MVP: variants seen among roughly 807,000 people sequenced by gnomAD.
MVP encodes lung resistance-related protein.
A neutral mutation model predicts 83.5 loss-of-function variants in MVP; 62 were observed. The observed-to-expected ratio is 0.74, with a 90% CI of 0.61 to 0.92. MVP has a LOEUF of 0.92. MVP is among the 40% of genes least tolerant of loss of function. MVP has a pLI of 0.00. For synonymous variants in MVP, 505 were observed against 504.1 expected (o/e 1.00, Z -0.02); for missense variants, 1,000 against 1,203.4 (o/e 0.83, Z 2.50).
intron 10 of MVP, among the ~76,000 whole-genome samples, chr16:29,842,898 C>T (rs748515949): frequency 1.5e-4 from 23 of 152,310 alleles, no homozygotes; most frequent in Admixed American, 1.4e-3. Context: ...GCGTAACTGT[C>T]GGGCTGTTAA....
rs773587439 is a variant in MVP at position 29,836,755 on chromosome 16, C to T, written c.706C>T (p.Arg236Trp). Reference sequence around the variant, plus strand: ...GCACCTCCGGGCTCGGCGGAACTTCCGGGACTTCAGGGGAGTGTCCCGCCG... The same window carrying T: ...GCACCTCCGGGCTCGGCGGAACTTCTGGGACTTCAGGGGAGTGTCCCGCCG... ...ALHLRARRNF[R>W]DFRGVSRRTG... The change falls in exon 7 of 15, where the codon CGG (arginine) becomes TGG (tryptophan). Residue 236 changes from arginine to tryptophan, a missense_variant. Physicochemically the swap from Arg to Trp is moderately radical, Grantham distance 101 (BLOSUM62 -3). Transcript: ENST00000357402. The T allele has an allele frequency of 3.0e-5, 48 of 1,603,834 alleles. No homozygotes were observed. The highest frequency in any genetic ancestry group is 1.5e-4 in the South Asian group (14 of 90,450).
chr16:29,829,588 T>TG (rs1307945957), intron 1 of MVP: 1 of 148,790 alleles, frequency 6.7e-6, no homozygotes, highest in East Asian at 2.0e-4. Context: ...GGGGCAGGGG[T>TG]GGGGCTTAGG....
chr16:29,840,670 G>A (rs912918311), intron 8 of MVP, among the ~76,000 whole-genome samples: 1 of 152,152 alleles, frequency 6.6e-6, no homozygotes, highest in Non-Finnish European at 1.5e-5. Context: ...AACCAGGTGC[G>A]GTAGCTCACA....
intron 6 of MVP, among the ~76,000 whole-genome samples, chr16:29,836,104 A>G (rs954394295): frequency 2.0e-5 from 3 of 151,846 alleles, no homozygotes. Context: ...CATCGCTACA[A>G]AAAATTTAAA....
intron 7 of MVP, 64 bp from the exon 8 acceptor site, chr16:29,840,114 A>C: frequency 2.0e-6 from 3 of 1,492,010 alleles, no homozygotes; most frequent in Non-Finnish European, 2.7e-6. Flanking sequence ...AGGACTGGGG[A>C]GGTACCATTG....
chr16:29,847,085 G>A, intron 13 of MVP, 112 bp from the exon 14 acceptor site: 1 of 1,197,592 alleles, frequency 8.4e-7, no homozygotes, highest in South Asian at 1.4e-5. Flanking sequence ...AGCTACCCAG[G>A]AGGCTGAGGC....
intron 7 of MVP, among the ~76,000 whole-genome samples, chr16:29,838,578 AG>A (rs2067507701): frequency 6.6e-6 from 1 of 152,218 alleles, no homozygotes; most frequent in South Asian, 2.1e-4. Flanking sequence ...CTATAATCCC[AG>A]TGCTTTGGGA....
intron 2 of MVP, 34 bp downstream of exon 2, chr16:29,830,708 G>A (rs756387778): frequency 7.5e-6 from 12 of 1,609,466 alleles, no homozygotes; most frequent in Non-Finnish European, 9.3e-6. Context: ...GGGGATCCTT[G>A]GGGATGTGGG....
intron 10 of MVP, 22 bp downstream of exon 10, chr16:29,842,134 G>A: frequency 6.3e-7 from 1 of 1,575,172 alleles, no homozygotes. Context: ...GACAGGGCAT[G>A]GGGGTGCATT....
rs1334102391 is a variant in MVP at position 29,847,346 on chromosome 16, C to A, written c.2415C>A (p.Ser805Arg). 6.3e-7 allele frequency: 1 copy of A among 1,593,766 alleles called. No homozygotes were observed. Among genetic ancestry groups the A allele is most frequent in the Non-Finnish European group, 8.5e-7 (1 of 1,171,936 alleles). ...AGATGACAGAGGCCATAGGCCCCAG[C>A]ACCATCAGGGACCTTGCTGTGGCTG... The part of the protein sequence containing the change: ...FKQMTEAIGP[S>R]TIRDLAVAGP... The change falls in exon 14 of 15, where the codon AGC becomes AGA. Residue 805 changes from serine (S) to arginine (R), a missense_variant. By Grantham distance (110) the Ser-to-Arg change is moderately radical (BLOSUM62 -1). Transcript: ENST00000357402.
chr16:29,846,063 G>A (rs2067582364), intron 12 of MVP, 84 bp downstream of exon 12: 1 of 1,608,910 alleles, frequency 6.2e-7, no homozygotes, highest in Non-Finnish European at 8.5e-7. Context: ...CCTGGGTGGG[G>A]TGTCGATGAG....
At chr16:29,822,897 T>C (rs1318337521) in intron 1 of MVP, among the ~76,000 whole-genome samples, 1 of 152,086 alleles carries the variant, frequency 6.6e-6, no homozygotes, top group Non-Finnish European at 1.5e-5. Context: ...TTTGTATTTT[T>C]AGTAGAGACG....
chr16:29,844,466 C>T lies in MVP; in HGVS notation c.1635-27C>T, dbSNP rs780227426. The T allele has an allele frequency of 3.9e-6, 6 of 1,520,038 alleles. No homozygotes were observed. In the South Asian group the frequency reaches 5.4e-5, roughly 14 times the overall value. The allele number at this position is 1,520,038 out of a possible 1,614,324, so 94.2% of individuals were successfully genotyped here. A position where few individuals can be genotyped will look rare whatever the true frequency, so the allele number is the denominator to read the frequency against. ...AGAGATTCCTGGGTGAAAGCAGCTT[C>T]CCCATTCTGGGCCTGTTTGTTCACA... is the stretch of plus-strand genomic sequence containing the variant. On this transcript the variant is annotated intron_variant, in intron 10 of 14. Transcript: ENST00000357402.
intron 1 of MVP, 115 bp from the exon 2 acceptor site, chr16:29,830,400 G>C: frequency 1.2e-6 from 1 of 843,318 alleles, no homozygotes; most frequent in Non-Finnish European, 1.9e-6. Context: ...GAAGGGTGCA[G>C]TGGCCTGGCT....
At chr16:29,843,043 T>C (rs2067547670) in intron 10 of MVP, among the ~76,000 whole-genome samples, 1 of 152,180 alleles carries the variant, frequency 6.6e-6, no homozygotes, top group Non-Finnish European at 1.5e-5. Flanking sequence ...AGGGACAGGG[T>C]GCTTTCCTCA....
In MVP at chr16:29,840,440, A is replaced by G; in HGVS notation, c.1172A>G (p.Gln391Arg). Residue 391 changes from glutamine to arginine, a missense_variant, in exon 8 of 15, where the codon CAG becomes CGG. Gln to Arg is a conservative substitution (Grantham distance 43). Transcript: ENST00000357402. The stretch of plus-strand genomic sequence containing the variant: ...GACGAGAACGAGGGCATCTATGTGC[A>G]GGATGTCAAGACCGGAAAGGTAATG... ...PLDENEGIYV[Q>R]DVKTGKVRAV... The G allele has an allele frequency of 6.4e-7, 1 of 1,573,512 alleles. No individual in the cohort carries two copies. Among genetic ancestry groups the G allele is most frequent in the Non-Finnish European group, 8.6e-7 (1 of 1,159,454 alleles).
intron 3 of MVP, chr16:29,833,468 CT>C (rs34663728): frequency 0.51 from 65,290 of 128,302 alleles, 21,888 homozygotes; most frequent in Admixed American, 0.63. Context: ...CCTGGCTACA[CT>C]TTTTTTTTTT....
At position 29,844,815 on chromosome 16, in the gene MVP, G is replaced by T. The variant is rs1030443313; in HGVS notation, c.1957G>T (p.Ala653Ser). 4 of 1,608,236 alleles carry T rather than the reference G, an allele frequency of 2.5e-6. No homozygotes were observed. The highest frequency in any genetic ancestry group is 3.4e-6 in the Non-Finnish European group (4 of 1,179,990). The change falls in exon 11 of 15, where the codon GCC becomes TCC. Residue 653 changes from alanine to serine, a missense_variant. By Grantham distance (99) the Ala-to-Ser change is moderately conservative. Coordinates refer to ENST00000357402, the MANE Select transcript of MVP (RefSeq NM_005115.5). Reference protein sequence around the residue: ...VEPVDQRTRDALQRSVQLAIE... With the variant: ...VEPVDQRTRDSLQRSVQLAIE... ...GCCTGTGGATCAGAGGACCCGGGAC[G>T]CCCTGCAACGCAGCGTCCAGCTGGC...
chr16:29,842,282 T>TTTTTTTAG (rs2067542222), intron 10 of MVP, among the ~76,000 whole-genome samples, 170 bp downstream of exon 10: 2 of 152,146 alleles, frequency 1.3e-5, no homozygotes, highest in South Asian at 2.1e-4. Flanking sequence ...TTGTTTTTTG[T>TTTTTTTAG]TTTTTTAGTT....
Sources: allele counts gnomAD v4.1 joint callset (sites outside exome capture counted in the v4.1 genomes callset), GRCh38; gene constraint gnomAD v4.1.1; transcripts MANE v1.5; gene names NCBI Gene and HGNC (gene_info 2026-07-23, HGNC 2026-07-21).